Variants in RASGEF1C observed in about 807,000 individuals in gnomAD.
RASGEF1C encodes the protein RasGEF domain family member 1C, also known as ras-GEF domain-containing family member 1C.
In RASGEF1C, 27 loss-of-function variants were observed where a neutral mutation model predicts 58.1. The ratio of observed to expected loss-of-function variants is 0.46; its 90% CI spans 0.34 to 0.64. The LOEUF is 0.64. Ranked by LOEUF, RASGEF1C falls within the 30% of genes least tolerant of loss-of-function variation. The pLI is 0.01. For synonymous variants in RASGEF1C, 243 were observed against 246.3 expected, an observed-to-expected ratio of 0.99 and a Z score of 0.13; for missense variants, 502 against 605.1, an observed-to-expected ratio of 0.83 and a Z score of 1.79.
At chr5:180,195,429 T>C (rs977764027) in intron 1 of RASGEF1C, among the ~76,000 whole-genome samples, 1 of 152,138 alleles carries the variant, frequency 6.6e-6, no homozygotes, top group Non-Finnish European at 1.5e-5. Flanking sequence ...TATGTAACAT[T>C]TGCTACATGA....
intron 1 of RASGEF1C, among the ~76,000 whole-genome samples, chr5:180,185,801 T>C (rs1179358419): frequency 2.6e-5 from 4 of 151,878 alleles, no homozygotes; most frequent in Admixed American, 6.6e-5. Context: ...AACCTTCTCA[T>C]AAGGAACAAG....
intron 6 of RASGEF1C, 87 bp downstream of exon 6, chr5:180,127,522 C>T (rs7728345): frequency 0.15 from 208,385 of 1,345,490 alleles, 17,521 homozygotes; most frequent in Non-Finnish European, 0.17. Flanking sequence ...CTCCAGCGCT[C>T]GCCCAGAGAA....
chr5:180,154,347 C>A (rs1016577178), intron 1 of RASGEF1C, among the ~76,000 whole-genome samples: 2 of 152,122 alleles, frequency 1.3e-5, no homozygotes, highest in Admixed American at 6.5e-5. Flanking sequence ...GGGTGAGGCA[C>A]CTGCTCCACC....
intron 4 of RASGEF1C, among the ~76,000 whole-genome samples, chr5:180,132,760 G>C (rs1401504363): frequency 6.6e-6 from 1 of 152,158 alleles, no homozygotes; most frequent in South Asian, 2.1e-4. Flanking sequence ...CACGAGGTCA[G>C]GAGTTCGAGA....
intron 1 of RASGEF1C, among the ~76,000 whole-genome samples, chr5:180,150,304 T>A (rs1156480192): frequency 6.6e-6 from 1 of 152,250 alleles, no homozygotes; most frequent in Middle Eastern, 3.2e-3. Context: ...CTACTTCACG[T>A]CTTTGCACAT....
At chr5:180,180,204 T>C (rs10075234) in intron 1 of RASGEF1C, among the ~76,000 whole-genome samples, 56,940 of 152,030 alleles carry the variant, frequency 0.37, 11,040 homozygotes, top group African/African-American at 0.44. Flanking sequence ...GTGGAGGTAA[T>C]AACAAGTAGA....
chr5:180,118,471 C>T (rs1056215704), intron 10 of RASGEF1C, 138 bp downstream of exon 10: 24 of 767,478 alleles, frequency 3.1e-5, no homozygotes, highest in Admixed American at 1.4e-4. Flanking sequence ...GAGTTCCCCA[C>T]GCTGGAGGCA....
intron 6 of RASGEF1C, among the ~76,000 whole-genome samples, chr5:180,122,198 T>G (rs4700712): frequency 0.31 from 46,749 of 151,952 alleles, 7,526 homozygotes; most frequent in East Asian, 0.46. Flanking sequence ...TAACCTTGCA[T>G]TTCCCCCCGG....
Position 180,138,002 on chromosome 5 carries a change from G to A in RASGEF1C, c.51C>T (p.Ser17=), listed in dbSNP as rs1766515740. Residue 17 remains serine, a synonymous_variant, in exon 2 of 14, where the codon AGC becomes AGT. Transcript: ENST00000361132. The part of the protein sequence containing the change: ...ASDMVTPGSL[S]PPPTEPTDGE... ...CATCTGTGGGCTCGGTGGGGGGTGG[G>A]CTGAGGCTGCCTGGGGTGACCATGT... The A allele has an allele frequency of 1.3e-6, 2 of 1,573,912 alleles. No homozygotes were observed. Among genetic ancestry groups the A allele is most frequent in the East Asian group, 2.3e-5 (1 of 43,186 alleles).
In RASGEF1C at chr5:180,118,603, AC is replaced by A. The variant is rs1408147022; in HGVS notation, c.1083+5del. ...GCCCCCCTGGGCCAACGTGGCCCCG[AC>A]CTACCTTCTCTCGGCTGCTGTGGGC... On this transcript the variant is annotated splice_donor_5th_base_variant and intron_variant, in intron 10 of 13. Transcript: ENST00000361132. 39 of 1,603,906 alleles carry A rather than the reference AC, an allele frequency of 2.4e-5. No individual in the cohort carries two copies. The highest frequency in any genetic ancestry group is 3.1e-5 in the Non-Finnish European group (37 of 1,175,100).
At chr5:180,150,643 A>G (rs1251550916) in intron 1 of RASGEF1C, among the ~76,000 whole-genome samples, 1 of 152,146 alleles carries the variant, frequency 6.6e-6, no homozygotes. Flanking sequence ...CAGCCTCAAC[A>G]TGGAGAAACC....
Position 180,167,729 on chromosome 5 carries a change from A to G in RASGEF1C, c.-6-29671T>C, listed in dbSNP as rs533580791. On this transcript the variant is annotated intron_variant, in intron 1 of 13. Transcript: ENST00000361132. ...TCATCTTAGTGTTATCTATCTGCTC[A>G]TTATCTTTTCCTGTGCAGGTTGAGA... 9.1e-4 allele frequency among the ~76,000 whole-genome samples: 139 copies of G among 152,298 alleles called. 1 individual carries two copies. The highest frequency in any genetic ancestry group is 3.2e-3 in the African/African-American group (132 of 41,560).
intron 1 of RASGEF1C, among the ~76,000 whole-genome samples, chr5:180,185,483 G>A (rs1756019446): frequency 1.3e-5 from 2 of 152,228 alleles, no homozygotes; most frequent in South Asian, 2.1e-4. Context: ...TACTCAGGAG[G>A]CTGAGGTAGG....
At chr5:180,199,417 TAACAACTAAACA>T (rs1183829710) in intron 1 of RASGEF1C, among the ~76,000 whole-genome samples, 1 of 152,030 alleles carries the variant, frequency 6.6e-6, no homozygotes, top group Non-Finnish European at 1.5e-5. Flanking sequence ...ACTAAACAAC[TAACAACTAAACA>T]AACAACTAAA....
rs529161587 is a variant in RASGEF1C at position 180,198,809 on chromosome 5, C to T, written c.-7+10219G>A. The stretch of plus-strand genomic sequence containing the variant: ...TCCATGACCTGGGCACCTTCTGCTG[C>T]TTCTGGGATCCTTTAGGGGGTCCTG... On this transcript the variant is annotated intron_variant, in intron 1 of 13. Coordinates refer to ENST00000361132, the MANE Select transcript of RASGEF1C (RefSeq NM_175062.4). This position sits in a 1 kb window ranked among gnomAD's most constrained non-coding sequence, Gnocchi z 4.5. Among the ~76,000 whole-genome samples the T allele has an allele frequency of 6.6e-6, 1 of 152,188 alleles. No individual in the cohort carries two copies. The highest frequency in any genetic ancestry group is 1.5e-5 in the Non-Finnish European group (1 of 68,024).
At chr5:180,140,707 A>C (rs1766561427) in intron 1 of RASGEF1C, among the ~76,000 whole-genome samples, 1 of 152,180 alleles carries the variant, frequency 6.6e-6, no homozygotes, top group African/African-American at 2.4e-5. Context: ...TCCATCCGCC[A>C]GGGACAGCCA....
At position 180,127,738 on chromosome 5, in the gene RASGEF1C, C is replaced by T. The variant is rs570919065; in HGVS notation, c.640-55G>A. The T allele has an allele frequency of 1.7e-5, 26 of 1,544,062 alleles. No homozygotes were observed. In the East Asian group the frequency reaches 5.7e-4, roughly 34 times the overall value. The stretch of plus-strand genomic sequence containing the variant: ...GAGGGAAGGTATGGGGAGGGGGTGT[C>T]CACTGGGGGGCCTGCCGTGGTGCCC... On this transcript the variant is annotated intron_variant, in intron 5 of 13. Transcript: ENST00000361132.
At chr5:180,183,493 GA>G (rs56168442) in intron 1 of RASGEF1C, among the ~76,000 whole-genome samples, 141,685 of 149,250 alleles carry the variant, frequency 0.95, 67,662 homozygotes, top group East Asian at 1. Flanking sequence ...AAAGAAGTCA[GA>G]AAAAAAAAAA....
intron 1 of RASGEF1C, among the ~76,000 whole-genome samples, chr5:180,185,285 T>C (rs1756014344): frequency 9.4e-5 from 2 of 21,172 alleles, no homozygotes; most frequent in Admixed American, 4.8e-4. Flanking sequence ...AGCGAGACTC[T>C]GTCTAAAAAA....
Sources: gnomAD v4.1 joint callset for allele counts (sites outside exome capture counted in the v4.1 genomes callset) on GRCh38, gnomAD v4.1.1 for gene constraint, Gnocchi (gnomAD v3.1) non-coding constraint, MANE v1.5 for transcripts, NCBI Gene and HGNC (gene_info 2026-07-23, HGNC 2026-07-21) for gene names.